MYO16: variants seen among roughly 807,000 people sequenced by gnomAD.
MYO16 encodes myosin XVI, also known as unconventional myosin-XVI.
Under a neutral mutation model 205.3 loss-of-function variants are expected in MYO16, and 94 were observed. The ratio of observed to expected loss-of-function variants is 0.46; its 90% CI spans 0.39 to 0.54. The LOEUF (loss-of-function observed/expected upper bound fraction) is 0.54. MYO16 is among the 20% of genes least tolerant of loss of function. The pLI, the probability that MYO16 is intolerant of heterozygous loss-of-function variation, is 0.00. For missense variants in MYO16, 2,315 were observed against 2,387.5 expected (o/e 0.97, Z 0.63); for synonymous variants, 988 against 954.0 (o/e 1.04, Z -0.66).
chr13:108,951,204 G>A (rs1249853163), intron 16 of MYO16, among the ~76,000 whole-genome samples: 1 of 152,176 alleles, frequency 6.6e-6, no homozygotes, highest in Non-Finnish European at 1.5e-5. Context: ...CACCTGTCTT[G>A]GAGAAACCCC....
At chr13:109,085,654 A>G (rs943237212) in intron 27 of MYO16, among the ~76,000 whole-genome samples, 2 of 152,224 alleles carry the variant, frequency 1.3e-5, no homozygotes, top group Admixed American at 6.5e-5. Context: ...TGATAGTTTT[A>G]ACCTTGAATG....
At chr13:108,545,013 T>G in the MYO16 span, among the ~76,000 whole-genome samples, 1 of 152,060 alleles carries the variant, frequency 6.6e-6, no homozygotes, top group Non-Finnish European at 1.5e-5. Context: ...TAATTTTACT[T>G]TTTATTTTAG....
the MYO16 span, among the ~76,000 whole-genome samples, chr13:108,538,190 A>G: frequency 0.15 from 22,123 of 152,038 alleles, 1,954 homozygotes; most frequent in Non-Finnish European, 0.2. Flanking sequence ...TTAATCCATG[A>G]AAGTAGATAG....
the MYO16 span, among the ~76,000 whole-genome samples, chr13:108,556,871 A>G: frequency 1.3e-5 from 2 of 152,154 alleles, no homozygotes; most frequent in South Asian, 2.1e-4. Context: ...AGTTGTCCCA[A>G]CACCACCTAC....
chr13:108,548,496 G>T, the MYO16 span, among the ~76,000 whole-genome samples: 2 of 151,560 alleles, frequency 1.3e-5, no homozygotes, highest in African/African-American at 4.8e-5. Flanking sequence ...GGTGGTAGTT[G>T]TGTTGGTAAT....
chr13:108,686,490 C>A (rs996565221), intron 2 of MYO16, among the ~76,000 whole-genome samples: 7 of 152,154 alleles, frequency 4.6e-5, no homozygotes, highest in African/African-American at 1.7e-4. Flanking sequence ...GCACATCCAG[C>A]GAAGGAAGCT....
At chr13:108,991,507 TTGTG>T (rs1338652324) in intron 20 of MYO16, among the ~76,000 whole-genome samples, 4 of 152,248 alleles carry the variant, frequency 2.6e-5, no homozygotes, top group Admixed American at 2.6e-4. Flanking sequence ...TGTGACTTAA[TTGTG>T]TTTTACCTTA....
chr13:109,185,914 C>G (rs184089695), intron 34 of MYO16, among the ~76,000 whole-genome samples: 237 of 152,298 alleles, frequency 1.6e-3, no homozygotes, highest in African/African-American at 5.5e-3. Flanking sequence ...ACAGATTATT[C>G]TGCAAACAGC....
chr13:108,987,559 G>A (rs567403746), intron 20 of MYO16, among the ~76,000 whole-genome samples: 7 of 152,306 alleles, frequency 4.6e-5, no homozygotes, highest in African/African-American at 7.2e-5. Flanking sequence ...AGCATAGCTC[G>A]GCATCTCCAG....
chr13:109,040,361 T>C (rs887337411), intron 23 of MYO16, among the ~76,000 whole-genome samples: 85 of 112,908 alleles, frequency 7.5e-4, no homozygotes, highest in African/African-American at 2.3e-3. Flanking sequence ...GACAGTAGCA[T>C]ACACACACAC....
In MYO16 at chr13:109,172,695, T is replaced by A. The variant is rs1594156645; in HGVS notation, c.5324-6847T>A. Among the ~76,000 whole-genome samples the A allele has an allele frequency of 3.3e-5, 5 of 152,236 alleles. No individual in the cohort carries two copies. In the East Asian group the frequency reaches 9.6e-4, roughly 29 times the overall value. On this transcript the variant is annotated intron_variant, in intron 33 of 34. Coordinates refer to ENST00000457511, the MANE Select transcript of MYO16 (RefSeq NM_001198950.3). ...ACCTACTTCATGGACTGCTGTATTTTATATGATGAAATTTAGCAGAAAGTT... is the reference window on the plus strand; with the variant it reads ...ACCTACTTCATGGACTGCTGTATTTAATATGATGAAATTTAGCAGAAAGTT...
chr13:108,690,719 CACTTGT>C (rs1249102963), intron 2 of MYO16, among the ~76,000 whole-genome samples: 3 of 152,076 alleles, frequency 2.0e-5, no homozygotes, highest in Non-Finnish European at 4.4e-5. Flanking sequence ...CACCTCATTC[CACTTGT>C]GTGTCAATGA....
At chr13:109,129,461 G>A (rs157028) in intron 31 of MYO16, among the ~76,000 whole-genome samples, 3 of 151,944 alleles carry the variant, frequency 2.0e-5, no homozygotes, top group East Asian at 3.9e-4. Context: ...ATTCTCCCCC[G>A]GTGCCACATA....
At chr13:108,959,707 C>T (rs1447441766) in intron 17 of MYO16, among the ~76,000 whole-genome samples, 1 of 152,182 alleles carries the variant, frequency 6.6e-6, no homozygotes, top group Non-Finnish European at 1.5e-5. Context: ...CTGTTCGTAA[C>T]AGTGCCTCCA....
intron 4 of MYO16, among the ~76,000 whole-genome samples, chr13:108,762,195 T>C (rs1349543580): frequency 2.0e-5 from 3 of 152,226 alleles, no homozygotes; most frequent in Non-Finnish European, 4.4e-5. Flanking sequence ...TGTGGCTAAG[T>C]AGTATTCCAT....
intron 31 of MYO16, among the ~76,000 whole-genome samples, chr13:109,128,413 G>A (rs1310076411): frequency 1.3e-5 from 2 of 152,084 alleles, no homozygotes; most frequent in African/African-American, 2.4e-5. Context: ...GGTAGAACTC[G>A]CTAGAAAATA....
chr13:109,165,155 G>T, intron 33 of MYO16, 96 bp downstream of exon 33: 1 of 917,680 alleles, frequency 1.1e-6, no homozygotes, highest in Non-Finnish European at 1.6e-6. Flanking sequence ...AATGAAGTAG[G>T]GTTAAGAACT....
intron 22 of MYO16, among the ~76,000 whole-genome samples, chr13:109,013,727 C>T (rs893032607): frequency 2.0e-5 from 3 of 152,184 alleles, no homozygotes; most frequent in Non-Finnish European, 4.4e-5. Flanking sequence ...TGGTGATGAG[C>T]ATTTTTTCAT....
the MYO16 span, among the ~76,000 whole-genome samples, chr13:108,504,372 C>T: frequency 6.6e-6 from 1 of 152,200 alleles, no homozygotes; most frequent in East Asian, 1.9e-4. Context: ...GGTGATCCAC[C>T]CACCTCAGCC....
Sources: allele counts gnomAD v4.1 joint callset (sites outside exome capture counted in the v4.1 genomes callset), GRCh38; gene constraint gnomAD v4.1.1; transcripts MANE v1.5; gene names NCBI Gene and HGNC (gene_info 2026-07-23, HGNC 2026-07-21).